Variants in TTC31 observed in about 807,000 individuals in gnomAD.
TTC31 encodes tetratricopeptide repeat domain 31.
TTC31 carries 59 observed loss-of-function variants against 60.4 expected under a neutral mutation model. That is an observed-to-expected ratio of 0.98 (90% CI 0.79 to 1.21). The LOEUF (loss-of-function observed/expected upper bound fraction) is 1.21. Among genes scored for constraint, TTC31 ranks in the 50% most tolerant of loss-of-function variants. The pLI, the probability that TTC31 is intolerant of heterozygous loss-of-function variation, is 0.00. For synonymous variants in TTC31, 225 were observed against 249.6 expected (o/e 0.90, Z 0.93); for missense variants, 672 against 646.9 (o/e 1.04, Z -0.42).
intron 2 of TTC31, among the ~76,000 whole-genome samples, chr2:74,489,739 C>T (rs1209084935): frequency 6.6e-6 from 1 of 152,082 alleles, no homozygotes; most frequent in Non-Finnish European, 1.5e-5. Context: ...GTGTGGCTAA[C>T]TCAGGTTGAG....
rs374075589 is a variant in TTC31 at position 74,493,246 on chromosome 2, G to A, written c.*28G>A. On this transcript the variant is annotated 3_prime_UTR_variant, in exon 13 of 13. Coordinates refer to ENST00000233623, the MANE Select transcript of TTC31 (RefSeq NM_022492.6). Reference sequence around the variant, plus strand: ...GGGCACCGGTCCCTCATAGGGCAGGGCCATGTATATATCCCTTGGTGGGGG... The same window carrying A: ...GGGCACCGGTCCCTCATAGGGCAGGACCATGTATATATCCCTTGGTGGGGG... 4.7e-5 allele frequency: 76 copies of A among 1,609,590 alleles called. No individual in the cohort carries two copies. In the African/African-American group the frequency reaches 9.0e-4, roughly 19 times the overall value.
chr2:74,488,914 G>A (rs1397229360), intron 2 of TTC31, among the ~76,000 whole-genome samples: 1 of 152,134 alleles, frequency 6.6e-6, no homozygotes, highest in Non-Finnish European at 1.5e-5. Context: ...AAATACAAAT[G>A]GTATTGTGGC....
In TTC31 at chr2:74,493,126, A is replaced by G; in HGVS notation, c.1468A>G (p.Ser490Gly). The G allele has an allele frequency of 6.2e-7, 1 of 1,614,056 alleles. No individual in the cohort carries two copies. Among genetic ancestry groups the G allele is most frequent in the South Asian group, 1.1e-5 (1 of 91,070 alleles). The change falls in exon 13 of 13, where the codon AGT (serine) becomes GGT (glycine). Residue 490 changes from serine to glycine, a missense_variant. Physicochemically the swap from Ser to Gly is moderately conservative, Grantham distance 56 (BLOSUM62 0). Coordinates refer to ENST00000233623, the MANE Select transcript of TTC31 (RefSeq NM_022492.6). ...HPNQPLSQTQ[S>G]RRPHPLKPQD... Reference sequence around the variant, plus strand: ...CAACCAGCCCCTCTCCCAGACTCAGAGTAGAAGGCCCCATCCTCTCAAGCC... The same window carrying G: ...CAACCAGCCCCTCTCCCAGACTCAGGGTAGAAGGCCCCATCCTCTCAAGCC...
rs373555987 is a variant in TTC31, at chr2:74,492,161, A to G, written c.951A>G (p.Gln317=). The G allele has an allele frequency of 1.7e-5, 28 of 1,614,074 alleles. No homozygotes were observed. The highest frequency in any genetic ancestry group is 1.1e-4 in the African/African-American group (8 of 74,918). The change falls in exon 10 of 13, where the codon CAA becomes CAG. Residue 317 remains glutamine (Q), a synonymous_variant. Coordinates refer to ENST00000233623, the MANE Select transcript of TTC31 (RefSeq NM_022492.6). ...CAGAGTTGGGTACCAGCTTTGCTCA[A>G]AATGGTTTCTACCATGAGGCCGTGG... The part of the protein sequence containing the change: ...ELAKLGTSFA[Q]NGFYHEAVVL...
chr2:74,483,628 T>C (rs766694753), intron 2 of TTC31: 60 of 1,409,320 alleles, frequency 4.3e-5, no homozygotes, highest in Non-Finnish European at 5.3e-5. Context: ...GTGGGTAGAA[T>C]TGAGCAGACA....
At chr2:74,485,439 C>T (rs1446055639) in intron 2 of TTC31, among the ~76,000 whole-genome samples, 1 of 151,660 alleles carries the variant, frequency 6.6e-6, no homozygotes, top group Non-Finnish European at 1.5e-5. Flanking sequence ...ACATTACATC[C>T]ATAGCCTCAT....
chr2:74,492,340 G>A lies in TTC31; in HGVS notation c.1056G>A (p.Leu352=), dbSNP rs1252472518. Residue 352 remains leucine, a synonymous_variant, in exon 11 of 13, where the codon TTG becomes TTA. Coordinates refer to ENST00000233623, the MANE Select transcript of TTC31 (RefSeq NM_022492.6). ...ATCGTTCCTTCTGCCATGAGCGGTTGGGTCAGCCAGCGTGGGCCCTGGCTG... is the reference window on the plus strand; with the variant it reads ...ATCGTTCCTTCTGCCATGAGCGGTTAGGTCAGCCAGCGTGGGCCCTGGCTG... ...FGNRSFCHER[L]GQPAWALADA... The A allele has an allele frequency of 3.2e-6, 5 of 1,572,998 alleles. No individual in the cohort carries two copies. The East Asian group carries it at 1.1e-4, about 35-fold the overall frequency.
chr2:74,487,973 C>T (rs57776873), intron 2 of TTC31, among the ~76,000 whole-genome samples: 9,564 of 152,186 alleles, frequency 0.063, 980 homozygotes, highest in African/African-American at 0.22. Context: ...AGCCACCATG[C>T]CCAGCCATAT....
Position 74,490,124 on chromosome 2 carries a change from C to A in TTC31, c.229C>A (p.His77Asn). The A allele has an allele frequency of 6.2e-7, 1 of 1,600,390 alleles. No homozygotes were observed. ...CAGCGGGCGGCTGCAGCTGTGGCAC[C>A]ATGGTGGGGAGTGCAGGGACCGGGC... is the stretch of plus-strand genomic sequence containing the variant. Reference protein sequence around the residue: ...GSSGRLQLWHHDYLLGHLDDE... With the variant: ...GSSGRLQLWHNDYLLGHLDDE... The change falls in exon 3 of 13, where the codon CAT becomes AAT. Residue 77 changes from histidine to asparagine, a missense_variant. By Grantham distance (68) the His-to-Asn change is moderately conservative. Coordinates refer to ENST00000233623, the MANE Select transcript of TTC31 (RefSeq NM_022492.6).
At chr2:74,489,387 G>A (rs1050808752) in intron 2 of TTC31, among the ~76,000 whole-genome samples, 2 of 152,142 alleles carry the variant, frequency 1.3e-5, no homozygotes, top group Non-Finnish European at 2.9e-5. Context: ...GTGGGAGGGA[G>A]GACAGCAGTG....
At chr2:74,491,050 T>C (rs1386738067) in intron 5 of TTC31, 78 bp from the exon 6 acceptor site, 28 of 1,576,932 alleles carry the variant, frequency 1.8e-5, no homozygotes, top group Non-Finnish European at 2.2e-5. Flanking sequence ...GCTGCAAAGA[T>C]GGAATGCGAA....
At chr2:74,484,563 A>G (rs568199843) in intron 2 of TTC31, among the ~76,000 whole-genome samples, 2 of 151,988 alleles carry the variant, frequency 1.3e-5, no homozygotes, top group African/African-American at 2.4e-5. Context: ...GGTTCAAGCA[A>G]TTCTTCTGCC....
At chr2:74,487,677 TAA>T (rs1673290856) in intron 2 of TTC31, among the ~76,000 whole-genome samples, 5 of 151,822 alleles carry the variant, frequency 3.3e-5, no homozygotes, top group African/African-American at 1.2e-4. Context: ...TATTATTAAT[TAA>T]TTAATTTATT....
intron 2 of TTC31, among the ~76,000 whole-genome samples, chr2:74,485,347 CTT>C (rs1224146042): frequency 6.6e-6 from 1 of 151,566 alleles, no homozygotes; most frequent in Non-Finnish European, 1.5e-5. Context: ...CTAAATGTCT[CTT>C]GACAGAAGCC....
At chr2:74,490,971 T>C (rs1018076982) in intron 5 of TTC31, 157 bp from the exon 6 acceptor site, 2 of 1,045,480 alleles carry the variant, frequency 1.9e-6, no homozygotes, top group African/African-American at 1.6e-5. Context: ...ATGAGGCCTC[T>C]TGCTGGTGCC....
At chr2:74,487,790 G>A (rs550405266) in intron 2 of TTC31, among the ~76,000 whole-genome samples, 1 of 151,842 alleles carries the variant, frequency 6.6e-6, no homozygotes, top group Non-Finnish European at 1.5e-5. Context: ...AGCAATTCTC[G>A]TGCCTCAGCC....
intron 5 of TTC31, 117 bp downstream of exon 5, chr2:74,490,856 A>G: frequency 8.9e-7 from 1 of 1,127,406 alleles, no homozygotes; most frequent in Non-Finnish European, 1.3e-6. Flanking sequence ...CTCTCTTGCC[A>G]GGAGGACACA....
rs759128019 is a variant in TTC31, at chr2:74,492,159, C to T, written c.949C>T (p.Gln317Ter). The change falls in exon 10 of 13, where the codon CAA becomes TAA. Residue 317 changes from glutamine to a stop codon, truncating the protein, a stop_gained. Coordinates refer to ENST00000233623, the MANE Select transcript of TTC31 (RefSeq NM_022492.6). LOFTEE classifies it high-confidence loss of function. ...ELAKLGTSFA[Q>*]NGFYHEAVVL... Reference sequence around the variant, plus strand: ...TCCAGAGTTGGGTACCAGCTTTGCTCAAAATGGTTTCTACCATGAGGCCGT... The same window carrying T: ...TCCAGAGTTGGGTACCAGCTTTGCTTAAAATGGTTTCTACCATGAGGCCGT... The T allele has an allele frequency of 3.1e-6, 5 of 1,614,186 alleles. No homozygotes were observed. Among genetic ancestry groups the T allele is most frequent in the Non-Finnish European group, 4.2e-6 (5 of 1,180,030 alleles).
At chr2:74,489,493 C>T (rs1419620851) in intron 2 of TTC31, among the ~76,000 whole-genome samples, 9 of 152,176 alleles carry the variant, frequency 5.9e-5, no homozygotes, top group Non-Finnish European at 1.3e-4. Flanking sequence ...TTCAACTCTG[C>T]CTATGGCCTT....
Sources: gnomAD v4.1 joint callset for allele counts (sites outside exome capture counted in the v4.1 genomes callset) on GRCh38, gnomAD v4.1.1 for gene constraint, MANE v1.5 for transcripts, NCBI Gene and HGNC (gene_info 2026-07-23, HGNC 2026-07-21) for gene names.